ARB2A: variants seen among roughly 807,000 people sequenced by gnomAD.
ARB2A encodes ARB2 cotranscriptional regulator A, also known as cotranscriptional regulator ARB2A.
the ARB2A span, among the ~76,000 whole-genome samples, chr5:93,917,939 C>T: frequency 2.6e-5 from 4 of 152,124 alleles, no homozygotes; most frequent in Non-Finnish European, 1.5e-5. Context: ...TCCCATTTCC[C>T]TGTACCAGCC....
the ARB2A span, among the ~76,000 whole-genome samples, chr5:93,746,177 G>A: frequency 6.6e-6 from 1 of 152,160 alleles, no homozygotes; most frequent in Non-Finnish European, 1.5e-5. Context: ...AGGCATCAAA[G>A]ATAAGTTAGG....
the ARB2A span, among the ~76,000 whole-genome samples, chr5:93,704,746 G>A: frequency 1.3e-5 from 2 of 152,204 alleles, no homozygotes; most frequent in Non-Finnish European, 1.5e-5. Flanking sequence ...GGTACCACAC[G>A]GAGTGTGTCC....
chr5:93,984,173 G>A, the ARB2A span, among the ~76,000 whole-genome samples: 1 of 151,974 alleles, frequency 6.6e-6, no homozygotes, highest in Admixed American at 6.6e-5. Flanking sequence ...ATAATGTTTT[G>A]AAAATATGCA....
the ARB2A span, among the ~76,000 whole-genome samples, chr5:93,782,132 C>T: frequency 1.4e-4 from 22 of 152,194 alleles, no homozygotes; most frequent in African/African-American, 5.3e-4. Context: ...TTTTTGTTCT[C>T]GTTTTGGAGA....
chr5:94,002,378 T>A, the ARB2A span, among the ~76,000 whole-genome samples: 1 of 151,948 alleles, frequency 6.6e-6, no homozygotes, highest in Non-Finnish European at 1.5e-5. Flanking sequence ...CATATCTAGG[T>A]CCCTCTGGAG....
the ARB2A span, among the ~76,000 whole-genome samples, chr5:93,873,447 A>C: frequency 4.7e-5 from 7 of 147,888 alleles, no homozygotes; most frequent in East Asian, 1.4e-3. Flanking sequence ...AGGGAAAGGA[A>C]AGGAAAAGGA....
the ARB2A span, among the ~76,000 whole-genome samples, chr5:94,040,121 C>T: frequency 6.6e-6 from 1 of 152,048 alleles, no homozygotes; most frequent in Non-Finnish European, 1.5e-5. Flanking sequence ...GTTAGAGGCC[C>T]CTCTTGGTAA....
the ARB2A span, among the ~76,000 whole-genome samples, chr5:94,090,032 A>G: frequency 6.6e-6 from 1 of 152,230 alleles, no homozygotes; most frequent in African/African-American, 2.4e-5. Flanking sequence ...AAAAAAAAGC[A>G]AGAACTAAAA....
chr5:93,779,385 G>A, the ARB2A span, among the ~76,000 whole-genome samples: 1 of 151,998 alleles, frequency 6.6e-6, no homozygotes, highest in Non-Finnish European at 1.5e-5. Flanking sequence ...TAATACTTAC[G>A]TGTCCCTTTT....
the ARB2A span, among the ~76,000 whole-genome samples, chr5:93,907,021 T>C: frequency 6.6e-6 from 1 of 151,462 alleles, no homozygotes; most frequent in African/African-American, 2.4e-5. Context: ...TATATAGATA[T>C]ATGAGCATGC....
chr5:94,067,252 T>C, the ARB2A span, among the ~76,000 whole-genome samples: 1 of 152,164 alleles, frequency 6.6e-6, no homozygotes, highest in Non-Finnish European at 1.5e-5. Flanking sequence ...TGGAGAAAAG[T>C]TGAAAGCTTT....
At chr5:93,961,237 T>C in the ARB2A span, among the ~76,000 whole-genome samples, 1 of 152,112 alleles carries the variant, frequency 6.6e-6, no homozygotes, top group Non-Finnish European at 1.5e-5. Flanking sequence ...TGGATATCTA[T>C]TCACCTTCAT....
chr5:93,740,638 T>C, the ARB2A span: 1 of 1,612,670 alleles, frequency 6.2e-7, no homozygotes, highest in Non-Finnish European at 8.5e-7. Context: ...CCCTGCAGAG[T>C]AGAGACGTGT....
At chr5:93,856,869 A>C in the ARB2A span, among the ~76,000 whole-genome samples, 2 of 151,712 alleles carry the variant, frequency 1.3e-5, no homozygotes, top group Non-Finnish European at 2.9e-5. Context: ...TGCTTTTTAG[A>C]GTTTCCAGTT....
the ARB2A span, among the ~76,000 whole-genome samples, chr5:93,823,992 TAAAC>T: frequency 6.6e-6 from 1 of 151,934 alleles, no homozygotes. Context: ...AGTAAATTAA[TAAAC>T]TATTTTCAAA....
At chr5:93,851,291 T>A in the ARB2A span, among the ~76,000 whole-genome samples, 1 of 152,198 alleles carries the variant, frequency 6.6e-6, no homozygotes, top group Non-Finnish European at 1.5e-5. Flanking sequence ...CCTGCCTATT[T>A]GCATTCCTAT....
At chr5:93,959,447 A>G in the ARB2A span, among the ~76,000 whole-genome samples, 1 of 152,102 alleles carries the variant, frequency 6.6e-6, no homozygotes, top group Non-Finnish European at 1.5e-5. Context: ...CTATAGTTGT[A>G]TAACAGAAAT....
At chr5:93,886,016 A>G in the ARB2A span, among the ~76,000 whole-genome samples, 1 of 151,794 alleles carries the variant, frequency 6.6e-6, no homozygotes, top group African/African-American at 2.4e-5. Flanking sequence ...TAGACAAATT[A>G]TATCAGTACA....
the ARB2A span, chr5:93,742,889 T>C: frequency 6.6e-6 from 1 of 152,356 alleles, no homozygotes; most frequent in South Asian, 2.1e-4. Context: ...TCAAATTCAT[T>C]ATCCACACTT....
Sources: allele counts gnomAD v4.1 joint callset (sites outside exome capture counted in the v4.1 genomes callset), GRCh38; gene constraint gnomAD v4.1.1; transcripts MANE v1.5; gene names NCBI Gene and HGNC (gene_info 2026-07-23, HGNC 2026-07-21).